PEAK1: variants seen among roughly 807,000 people sequenced by gnomAD.
The protein encoded by PEAK1 is pseudopodium enriched atypical kinase 1.
A neutral mutation model predicts 124.7 loss-of-function variants in PEAK1; 54 were observed. The observed-to-expected ratio is 0.43, with a 90% CI of 0.35 to 0.54. PEAK1 has a LOEUF of 0.54. Among genes scored for constraint, PEAK1 ranks in the 20% least tolerant of loss-of-function variants. PEAK1 has a pLI of 0.01. For missense variants in PEAK1, 2,046 were observed against 2,134.5 expected, an observed-to-expected ratio of 0.96 and a Z score of 0.82; for synonymous variants, 719 against 760.0, an observed-to-expected ratio of 0.95 and a Z score of 0.89.
chr15:77,279,104 CGTGTGTGTGTGT>C lies in PEAK1; in HGVS notation c.-275+4767_-275+4778del, dbSNP rs34561338. On this transcript the variant is annotated intron_variant, in intron 5 of 9. Coordinates refer to ENST00000682557, the MANE Select transcript of PEAK1 (RefSeq NM_001385026.1). ...CAGCCTCCCAAGGTGCTCGTGTGTG[CGTGTGTGTGTGT>C]GTGTGTGTGTGTGTGTGTGTTTCAA... is the stretch of plus-strand genomic sequence containing the variant. Among the ~76,000 whole-genome samples the C allele has an allele frequency of 1.4e-4, 16 of 115,012 alleles. No homozygotes were observed. The East Asian group carries it at 1.5e-3, about 11-fold the overall frequency. The allele number at this position is 115,012 out of a possible 152,430, so 75.5% of individuals were successfully genotyped here. A position where few individuals can be genotyped will look rare whatever the true frequency, so the allele number is the denominator to read the frequency against.
At chr15:77,235,180 C>T (rs181027623) in intron 6 of PEAK1, among the ~76,000 whole-genome samples, 111 of 152,072 alleles carry the variant, frequency 7.3e-4, no homozygotes, top group Middle Eastern at 3.4e-3. Flanking sequence ...TGAGAACTGG[C>T]TAATACAATA....
intron 6 of PEAK1, among the ~76,000 whole-genome samples, chr15:77,221,904 C>T (rs980396492): frequency 4.6e-5 from 7 of 152,144 alleles, no homozygotes; most frequent in African/African-American, 1.7e-4. Flanking sequence ...AATTTTAAGT[C>T]GTGCTCCTCA....
chr15:77,394,821 G>T (rs2070757347), intron 1 of PEAK1, among the ~76,000 whole-genome samples: 1 of 152,178 alleles, frequency 6.6e-6, no homozygotes, highest in Non-Finnish European at 1.5e-5. Flanking sequence ...ATCAATCCTG[G>T]AGAGACAGAG....
intron 6 of PEAK1, 58 bp downstream of exon 6, chr15:77,252,309 T>C: frequency 1.1e-6 from 1 of 906,214 alleles, no homozygotes; most frequent in Non-Finnish European, 1.3e-6. Context: ...AAAGAAATTC[T>C]TTCCAGTCAT....
intron 6 of PEAK1, among the ~76,000 whole-genome samples, chr15:77,208,984 T>G (rs1251567365): frequency 2.6e-5 from 4 of 152,212 alleles, no homozygotes; most frequent in African/African-American, 9.7e-5. Context: ...AAGGACTATC[T>G]CCAGTCTGTT....
chr15:77,312,023 TGAGA>T, intron 2 of PEAK1, among the ~76,000 whole-genome samples: 1 of 152,042 alleles, frequency 6.6e-6, no homozygotes, highest in Non-Finnish European at 1.5e-5. Flanking sequence ...ATGAATCATG[TGAGA>T]GAAATTTATG....
At chr15:77,419,705 T>C in intron 1 of PEAK1, 1 of 978,628 alleles carries the variant, frequency 1.0e-6, no homozygotes, top group Non-Finnish European at 1.2e-6. Context: ...CTTTCCTTCC[T>C]CTGGGGGGCG....
At chr15:77,349,943 C>T (rs775675354) in intron 2 of PEAK1, 23 of 984,646 alleles carry the variant, frequency 2.3e-5, no homozygotes, top group Non-Finnish European at 2.8e-5. Flanking sequence ...AAATATACAT[C>T]TGCTCCATAT....
intron 2 of PEAK1, among the ~76,000 whole-genome samples, chr15:77,317,277 T>C (rs2064938140): frequency 2.0e-5 from 3 of 152,156 alleles, no homozygotes; most frequent in Non-Finnish European, 4.4e-5. Context: ...TTTTATTAAG[T>C]ATGCATTATT....
At chr15:77,272,831 T>A (rs1019725640) in intron 5 of PEAK1, among the ~76,000 whole-genome samples, 1 of 151,872 alleles carries the variant, frequency 6.6e-6, no homozygotes, top group African/African-American at 2.4e-5. Context: ...CAAACCAATA[T>A]CCCTGATGAA....
chr15:77,293,239 T>C (rs561960104), intron 2 of PEAK1, among the ~76,000 whole-genome samples: 1 of 152,306 alleles, frequency 6.6e-6, no homozygotes, highest in South Asian at 2.1e-4. Flanking sequence ...CTTTATCTCA[T>C]ACTCCAAAAA....
rs2065923349 is a variant in PEAK1 at position 77,332,116 on chromosome 15, TC to T, written c.-603+33046del. On this transcript the variant is annotated intron_variant, in intron 2 of 9. Transcript: ENST00000682557. The stretch of plus-strand genomic sequence containing the variant: ...TCCAGCCTGGGTGACACAGCAAGAC[TC>T]CATCTCAAAAAAATATAAAAATAAA... 5 of 817,700 alleles carry T rather than the reference TC, an allele frequency of 6.1e-6. No homozygotes were observed. In the African/African-American group the frequency reaches 7.6e-5, roughly 12 times the overall value. The allele number at this position is 817,700 out of a possible 1,614,324, so 50.7% of individuals were successfully genotyped here.
intron 7 of PEAK1, among the ~76,000 whole-genome samples, chr15:77,167,984 G>A (rs540556972): frequency 2.0e-5 from 3 of 151,972 alleles, no homozygotes; most frequent in South Asian, 2.1e-4. Flanking sequence ...GAGAACATGC[G>A]GTGTTTGGTT....
intron 6 of PEAK1, among the ~76,000 whole-genome samples, chr15:77,234,207 T>G (rs2060020557): frequency 1.3e-5 from 2 of 152,204 alleles, no homozygotes; most frequent in South Asian, 2.1e-4. Context: ...GCATAAAAGT[T>G]CTTATAATTT....
chr15:77,370,704 A>C, intron 1 of PEAK1: 1 of 985,166 alleles, frequency 1.0e-6, no homozygotes, highest in Non-Finnish European at 1.2e-6. Flanking sequence ...CTATTTCTGC[A>C]TATGTCTTCA....
intron 1 of PEAK1, among the ~76,000 whole-genome samples, chr15:77,389,157 T>C (rs1320065439): frequency 6.6e-6 from 1 of 152,108 alleles, no homozygotes; most frequent in East Asian, 1.9e-4. Flanking sequence ...TTTCACTATA[T>C]TGCCTAGGCT....
At position 77,181,962 on chromosome 15, in the gene PEAK1, T is replaced by C. The variant is rs2057298981; in HGVS notation, c.-36A>G. 6.6e-7 allele frequency: 1 copy of C among 1,521,940 alleles called. No individual in the cohort carries two copies. The highest frequency in any genetic ancestry group is 8.8e-7 in the Non-Finnish European group (1 of 1,138,126). 94.3% of individuals were successfully genotyped at this position (1,521,940 alleles called of 1,614,324 possible). A position where few individuals can be genotyped will look rare whatever the true frequency, so the allele number is the denominator to read the frequency against. On this transcript the variant is annotated 5_prime_UTR_variant, in exon 7 of 10. Transcript: ENST00000682557. ...AGAACTTCACAGACAATGCTTTTCT[T>C]TCAGTGCATGACAAAACTTTCATCT...
chr15:77,404,560 T>A (rs971829629), intron 1 of PEAK1: 1 of 754,370 alleles, frequency 1.3e-6, no homozygotes, highest in Admixed American at 6.3e-5. Flanking sequence ...CTTTTTTAAA[T>A]GTGGCTACTA....
chr15:77,228,380 T>C (rs2059769434), intron 6 of PEAK1, among the ~76,000 whole-genome samples: 1 of 152,072 alleles, frequency 6.6e-6, no homozygotes, highest in Admixed American at 6.6e-5. Flanking sequence ...AAGATATGAG[T>C]TGACAATAAA....
Sources: gnomAD v4.1 joint callset for allele counts (sites outside exome capture counted in the v4.1 genomes callset) on GRCh38, gnomAD v4.1.1 for gene constraint, MANE v1.5 for transcripts, NCBI Gene and HGNC (gene_info 2026-07-23, HGNC 2026-07-21) for gene names.